RBFOX1: variants seen among roughly 807,000 people sequenced by gnomAD.
RBFOX1 encodes RNA binding protein fox-1 homolog 1.
RBFOX1 carries 8 observed loss-of-function variants against 57.7 expected under a neutral mutation model. That is an observed-to-expected ratio of 0.14 (90% CI 0.08 to 0.25). RBFOX1 has a LOEUF of 0.25. Among genes scored for constraint, RBFOX1 ranks in the 10% least tolerant of loss-of-function variants. The pLI is 1.00. For missense variants in RBFOX1, 611 were observed against 548.5 expected (o/e 1.11, Z -1.14); for synonymous variants, 326 against 222.4 (o/e 1.47, Z -4.15).
At chr16:6,240,830 T>G (rs1333905024) in intron 1 of RBFOX1, among the ~76,000 whole-genome samples, 1 of 152,188 alleles carries the variant, frequency 6.6e-6, no homozygotes, top group Non-Finnish European at 1.5e-5. Flanking sequence ...ATATTTTCAG[T>G]CAGAAATATG....
intron 4 of RBFOX1, among the ~76,000 whole-genome samples, chr16:7,215,868 G>T (rs1369086563): frequency 6.6e-6 from 1 of 151,962 alleles, no homozygotes; most frequent in Non-Finnish European, 1.5e-5. Flanking sequence ...GGGACTACAG[G>T]CGTCTGCCAC....
At chr16:6,782,421 T>C (rs1349269266) in intron 3 of RBFOX1, among the ~76,000 whole-genome samples, 1 of 152,178 alleles carries the variant, frequency 6.6e-6, no homozygotes, top group Non-Finnish European at 1.5e-5. Flanking sequence ...TTCAGGAGCA[T>C]GTTATTTAAT....
chr16:6,775,024 A>G (rs1251420628), intron 3 of RBFOX1, among the ~76,000 whole-genome samples: 1 of 152,110 alleles, frequency 6.6e-6, no homozygotes, highest in East Asian at 1.9e-4. Flanking sequence ...CTTATATAAC[A>G]TACCTAAAAA....
At chr16:5,284,457 G>T (rs2063342755) in intron 1 of RBFOX1, among the ~76,000 whole-genome samples, 1 of 151,756 alleles carries the variant, frequency 6.6e-6, no homozygotes, top group African/African-American at 2.4e-5. Context: ...CCCAATGTAG[G>T]ACTCCCTTAA....
intron 4 of RBFOX1, among the ~76,000 whole-genome samples, chr16:7,371,728 C>T (rs750168618): frequency 1.5e-4 from 23 of 151,968 alleles, no homozygotes; most frequent in Admixed American, 7.9e-4. Flanking sequence ...CCAGCCTGGG[C>T]GACAAGAGCA....
At chr16:7,335,372 C>T (rs1006523408) in intron 4 of RBFOX1, among the ~76,000 whole-genome samples, 8 of 152,120 alleles carry the variant, frequency 5.3e-5, no homozygotes, top group Admixed American at 1.3e-4. Context: ...ATGTGTACTC[C>T]ATCACTGGGA....
In RBFOX1 at chr16:6,660,723, T is replaced by C. The variant is rs373741190; in HGVS notation, c.-16+6073T>C. On this transcript the variant is annotated intron_variant, in intron 3 of 15. Coordinates refer to ENST00000550418, the MANE Select transcript of RBFOX1 (RefSeq NM_018723.4). Reference sequence around the variant, plus strand: ...ACTGCAAATCATTTTATATAATACCTGGCACAAAATAAGAACTGGATTAAC... The same window carrying C: ...ACTGCAAATCATTTTATATAATACCCGGCACAAAATAAGAACTGGATTAAC... 1.1e-4 allele frequency among the ~76,000 whole-genome samples: 17 copies of C among 152,220 alleles called. No individual in the cohort carries two copies. In the South Asian group the frequency reaches 3.5e-3, roughly 32 times the overall value.
intron 3 of RBFOX1, among the ~76,000 whole-genome samples, chr16:5,699,666 G>C (rs7196608): frequency 0.57 from 87,223 of 151,946 alleles, 27,380 homozygotes; most frequent in Non-Finnish European, 0.72. Flanking sequence ...GTGCTACTGG[G>C]ATCTAGAGGA....
In RBFOX1 at chr16:5,955,560, A is replaced by G. The variant is rs968769188; in HGVS notation, c.351+88225A>G. Among the ~76,000 whole-genome samples the G allele has an allele frequency of 1.6e-4, 24 of 152,262 alleles. No individual in the cohort carries two copies. The South Asian group carries it at 3.5e-3, about 22-fold the overall frequency. On this transcript the variant is annotated intron_variant, in intron 4 of 19. Coordinates refer to the RBFOX1 transcript ENST00000641259. ...CAAAGGTTTATTGAACACCTACAAT[A>G]TGGTAAATATTGTTGAAATAAATGT...
chr16:6,261,125 C>T (rs920725542), intron 1 of RBFOX1, among the ~76,000 whole-genome samples: 4 of 152,146 alleles, frequency 2.6e-5, no homozygotes, highest in South Asian at 2.1e-4. Context: ...TTTTTTAAAA[C>T]CCCACAAATT....
intron 4 of RBFOX1, among the ~76,000 whole-genome samples, chr16:7,124,800 C>T (rs891167214): frequency 6.6e-6 from 1 of 151,928 alleles, no homozygotes; most frequent in East Asian, 1.9e-4. Flanking sequence ...AACAGACAGC[C>T]AGTGTAGAGA....
intron 1 of RBFOX1, among the ~76,000 whole-genome samples, chr16:6,270,810 A>G (rs763658865): frequency 6.6e-6 from 1 of 152,190 alleles, no homozygotes; most frequent in Non-Finnish European, 1.5e-5. Flanking sequence ...GGGCCATAAA[A>G]CAAAGTTTAA....
intron 3 of RBFOX1, among the ~76,000 whole-genome samples, chr16:5,849,895 G>A (rs1205067871): frequency 1.3e-5 from 2 of 152,198 alleles, no homozygotes; most frequent in African/African-American, 4.8e-5. Flanking sequence ...TACTCCCAGT[G>A]TAGCCCAGCA....
chr16:6,666,848 A>T (rs2098736175), intron 3 of RBFOX1, among the ~76,000 whole-genome samples: 1 of 151,680 alleles, frequency 6.6e-6, no homozygotes. Flanking sequence ...CCTCCCAATT[A>T]CTCAGCCTAA....
At chr16:7,476,870 A>G (rs989340540) in intron 4 of RBFOX1, among the ~76,000 whole-genome samples, 1 of 152,190 alleles carries the variant, frequency 6.6e-6, no homozygotes, top group African/African-American at 2.4e-5. Context: ...GAATATCGGC[A>G]AAAAGTATGA....
chr16:6,371,336 G>C (rs2090408323), intron 2 of RBFOX1, among the ~76,000 whole-genome samples: 1 of 152,148 alleles, frequency 6.6e-6, no homozygotes, highest in Admixed American at 6.5e-5. Flanking sequence ...ACTTATATGT[G>C]TGGGTTGGCA....
At chr16:7,264,813 C>T (rs1414611806) in intron 4 of RBFOX1, among the ~76,000 whole-genome samples, 2 of 152,156 alleles carry the variant, frequency 1.3e-5, no homozygotes, top group Non-Finnish European at 2.9e-5. Flanking sequence ...CTGGTCCAAA[C>T]TTTAAAGTAC....
intron 1 of RBFOX1, among the ~76,000 whole-genome samples, chr16:6,083,083 C>A (rs561033582): frequency 4.6e-5 from 7 of 152,132 alleles, no homozygotes; most frequent in Admixed American, 3.9e-4. Flanking sequence ...CTCACTGCAA[C>A]CTCCTCCTCC....
Position 6,449,665 on chromosome 16 carries a change from T to C in RBFOX1, c.-64+132608T>C, listed in dbSNP as rs76845934. On this transcript the variant is annotated intron_variant, in intron 2 of 15. Transcript: ENST00000550418. ...GTCTTTCAGTGTTTAGCGTCAACACTGGGGTAAATCTCTAACGTTGCATTC... is the reference window on the plus strand; with the variant it reads ...GTCTTTCAGTGTTTAGCGTCAACACCGGGGTAAATCTCTAACGTTGCATTC... Among the ~76,000 whole-genome samples, 809 of 152,288 alleles carry C rather than the reference T, an allele frequency of 5.3e-3. 28 individuals carry two copies. The East Asian group carries it at 0.11, about 21-fold the overall frequency.
Sources: allele counts gnomAD v4.1 joint callset (sites outside exome capture counted in the v4.1 genomes callset), GRCh38; gene constraint gnomAD v4.1.1; transcripts MANE v1.5; gene names NCBI Gene and HGNC (gene_info 2026-07-23, HGNC 2026-07-21).